PLXNA2: variants seen among roughly 807,000 people sequenced by gnomAD.
PLXNA2 encodes plexin-A2.
PLXNA2 carries 91 observed loss-of-function variants against 193.5 expected under a neutral mutation model. That is an observed-to-expected ratio of 0.47 (90% CI 0.40 to 0.56). The LOEUF is 0.56. Ranked by LOEUF, PLXNA2 falls within the 20% of genes least tolerant of loss-of-function variation. PLXNA2 has a pLI of 0.00. For synonymous variants in PLXNA2, 997 were observed against 1,027.3 expected (o/e 0.97, Z 0.56); for missense variants, 1,995 against 2,503.2 (o/e 0.80, Z 4.33).
At chr1:208,240,922 G>C (rs1672031011) in intron 1 of PLXNA2, among the ~76,000 whole-genome samples, 1 of 152,010 alleles carries the variant, frequency 6.6e-6, no homozygotes, top group South Asian at 2.1e-4. Context: ...GACAGGAATT[G>C]CCTCCCCCAC....
Position 208,142,317 on chromosome 1 carries a change from G to A in PLXNA2, c.1506+12C>T. ...TGGAGTTTGGAAAGCAGAGATGGATGTTAGCACTTACCTGTCTCTCAGACA... is the reference window on the plus strand; with the variant it reads ...TGGAGTTTGGAAAGCAGAGATGGATATTAGCACTTACCTGTCTCTCAGACA... On this transcript the variant is annotated intron_variant, in intron 4 of 31. Transcript: ENST00000367033. 2 of 1,583,014 alleles carry A rather than the reference G, an allele frequency of 1.3e-6. No homozygotes were observed. Among genetic ancestry groups the A allele is most frequent in the Non-Finnish European group, 1.7e-6 (2 of 1,166,744 alleles).
chr1:208,177,832 G>A (rs990743434), intron 3 of PLXNA2, among the ~76,000 whole-genome samples: 4 of 152,234 alleles, frequency 2.6e-5, no homozygotes, highest in Admixed American at 6.5e-5. Flanking sequence ...CAGAAACTCT[G>A]GGGGTGGGAC....
chr1:208,210,335 A>G lies in PLXNA2; in HGVS notation c.1316T>C (p.Val439Ala). 1 of 1,613,966 alleles carries G rather than the reference A, an allele frequency of 6.2e-7. No individual in the cohort carries two copies. Among genetic ancestry groups the G allele is most frequent in the Non-Finnish European group, 8.5e-7 (1 of 1,180,006 alleles). ...RDRMTSVASYVYNGYSVVFVG... is the reference protein window; with the variant it reads ...RDRMTSVASYAYNGYSVVFVG... ...AAAAACCACGCTGTAGCCGTTGTAAACGTAGGAGGCCACAGAGGTCATGCG... is the reference window on the plus strand; with the variant it reads ...AAAAACCACGCTGTAGCCGTTGTAAGCGTAGGAGGCCACAGAGGTCATGCG... Residue 439 changes from valine to alanine, a missense_variant, in exon 3 of 32, where the codon GTT becomes GCT. This residue lies in a region of PLXNA2 where 702 missense variants were observed against 812.9 expected (regional missense o/e 0.86). Transcript: ENST00000367033.
At chr1:208,208,937 G>A (rs1257325396) in intron 3 of PLXNA2, among the ~76,000 whole-genome samples, 3 of 152,170 alleles carry the variant, frequency 2.0e-5, no homozygotes, top group Non-Finnish European at 4.4e-5. Flanking sequence ...GTTCCAAGCT[G>A]AATTGCTTCT....
At chr1:208,057,648 T>C (rs150043035) in intron 13 of PLXNA2, among the ~76,000 whole-genome samples, 1 of 152,300 alleles carries the variant, frequency 6.6e-6, no homozygotes, top group East Asian at 1.9e-4. Context: ...CCCTGTCTCC[T>C]CCCTGTGTCT....
intron 4 of PLXNA2, among the ~76,000 whole-genome samples, chr1:208,132,692 C>A (rs1167151719): frequency 6.6e-6 from 1 of 152,140 alleles, no homozygotes; most frequent in African/African-American, 2.4e-5. Context: ...GTTTGCAAAG[C>A]ATGACCTGCA....
chr1:208,082,451 T>C lies in PLXNA2; in HGVS notation c.2356A>G (p.Asn786Asp). 6.2e-7 allele frequency: 1 copy of C among 1,614,082 alleles called. No homozygotes were observed. The highest frequency in any genetic ancestry group is 8.5e-7 in the Non-Finnish European group (1 of 1,179,986). Residue 786 changes from asparagine (N) to aspartate (D), a missense_variant, in exon 11 of 32, where the codon AAC becomes GAC. Coordinates refer to ENST00000367033, the MANE Select transcript of PLXNA2 (RefSeq NM_025179.4). This position sits in a 1 kb window ranked among gnomAD's most constrained non-coding sequence, Gnocchi z 4.2. ...NLAVDFAVVW[N>D]GNFIIDNPQD... ...GGGTTGTCAATGATGAAATTGCCGT[T>C]CCACACCACAGCGAAATCCACGGCC...
At chr1:208,156,380 A>G (rs764200949) in intron 3 of PLXNA2, among the ~76,000 whole-genome samples, 4 of 152,036 alleles carry the variant, frequency 2.6e-5, no homozygotes, top group African/African-American at 9.7e-5. Context: ...TAGCTATACT[A>G]TTGAGCACAT....
chr1:208,193,484 C>G (rs1253445435), intron 3 of PLXNA2, among the ~76,000 whole-genome samples: 1 of 152,160 alleles, frequency 6.6e-6, no homozygotes, highest in Non-Finnish European at 1.5e-5. Context: ...TTTCTTCACC[C>G]ATAATATCGC....
At chr1:208,219,527 G>A (rs1047829851) in intron 1 of PLXNA2, among the ~76,000 whole-genome samples, 2 of 151,072 alleles carry the variant, frequency 1.3e-5, no homozygotes, top group African/African-American at 4.8e-5. Flanking sequence ...GGAAACACCC[G>A]AAGGATGGAG....
chr1:208,136,693 C>T (rs1305597396), intron 4 of PLXNA2, among the ~76,000 whole-genome samples: 1 of 152,188 alleles, frequency 6.6e-6, no homozygotes, highest in African/African-American at 2.4e-5. Context: ...AGACTCAGCT[C>T]AGTGCTGTCA....
In PLXNA2 at chr1:208,173,465, G is replaced by A. The variant is rs74416332; in HGVS notation, c.1372-31002C>T. Among the ~76,000 whole-genome samples the A allele has an allele frequency of 3.3e-5, 5 of 152,266 alleles. No individual in the cohort carries two copies. In the East Asian group the frequency reaches 7.7e-4, roughly 24 times the overall value. The stretch of plus-strand genomic sequence containing the variant: ...AGCCCTGTGCATCCCATGTTATTAT[G>A]TTCATTAAGAACTGAGAAAATCGGA... On this transcript the variant is annotated intron_variant, in intron 3 of 31. Coordinates refer to ENST00000367033, the MANE Select transcript of PLXNA2 (RefSeq NM_025179.4).
At chr1:208,128,043 G>C (rs978729539) in intron 4 of PLXNA2, among the ~76,000 whole-genome samples, 6 of 152,190 alleles carry the variant, frequency 3.9e-5, no homozygotes, top group African/African-American at 1.4e-4. Context: ...GGAGGGCTGG[G>C]AGAGCTGCGG....
intron 18 of PLXNA2, 31 bp downstream of exon 18, chr1:208,045,847 G>T (rs776740446): frequency 4.3e-6 from 7 of 1,611,320 alleles, no homozygotes; most frequent in Non-Finnish European, 5.9e-6. Context: ...TGCTGCCCCT[G>T]GTGGCACTGC....
chr1:208,239,771 A>G (rs1443510206), intron 1 of PLXNA2, among the ~76,000 whole-genome samples: 1 of 152,194 alleles, frequency 6.6e-6, no homozygotes, highest in Admixed American at 6.5e-5. Context: ...AGTCTCTGAC[A>G]CACGCCCTGC....
At chr1:208,067,942 C>T (rs936729108) in intron 12 of PLXNA2, among the ~76,000 whole-genome samples, 3 of 152,086 alleles carry the variant, frequency 2.0e-5, no homozygotes, top group African/African-American at 7.2e-5. Context: ...CTGACAAATG[C>T]CTACCCATCC....
At chr1:208,109,869 T>C (rs1295233126) in intron 4 of PLXNA2, among the ~76,000 whole-genome samples, 1 of 152,248 alleles carries the variant, frequency 6.6e-6, no homozygotes, top group Non-Finnish European at 1.5e-5. Flanking sequence ...GTGAGGCTTC[T>C]GCTTCTCTGC....
At chr1:208,196,286 A>G (rs1410325663) in intron 3 of PLXNA2, among the ~76,000 whole-genome samples, 2 of 152,192 alleles carry the variant, frequency 1.3e-5, no homozygotes, top group African/African-American at 4.8e-5. Flanking sequence ...TAAAAAGTTC[A>G]CGTACTTGAG....
In PLXNA2 at chr1:208,217,893, G is replaced by C; in HGVS notation, c.30C>G (p.Ala10=). 6.2e-7 allele frequency: 1 copy of C among 1,611,620 alleles called. No homozygotes were observed. The highest frequency in any genetic ancestry group is 1.1e-5 in the South Asian group (1 of 91,056). MEQRRPWPR[A]LEVDSRSVVL... is the part of the protein sequence containing the mutation. ...CCACAGAGCGGCTGTCCACCTCCAG[G>C]GCCCGGGGCCAGGGCCGCCTCTGTT... Residue 10 remains alanine, a synonymous_variant, in exon 2 of 32, where the codon GCC becomes GCG. Transcript: ENST00000367033. This position sits in a 1 kb window ranked among gnomAD's most constrained non-coding sequence, Gnocchi z 4.7.
Sources: gnomAD v4.1 joint callset for allele counts (sites outside exome capture counted in the v4.1 genomes callset) on GRCh38, gnomAD v4.1.1 for gene constraint, gnomAD v4.1.1 regional missense constraint, Gnocchi (gnomAD v3.1) non-coding constraint, MANE v1.5 for transcripts, NCBI Gene and HGNC (gene_info 2026-07-23, HGNC 2026-07-21) for gene names.